Variants in CACHD1 observed in about 807,000 individuals in gnomAD.
CACHD1 encodes the protein cache domain containing 1, also known as VWFA and cache domain-containing protein 1.
CACHD1 carries 71 observed loss-of-function variants against 138.7 expected under a neutral mutation model. The observed-to-expected ratio is 0.51, with a 90% CI of 0.42 to 0.62. The LOEUF is 0.62. Among genes scored for constraint, CACHD1 ranks in the 20% least tolerant of loss-of-function variants. The probability of loss-of-function intolerance (pLI) is 0.00; values close to 1 mark genes in which losing one functional copy is unlikely to be tolerated. For synonymous variants in CACHD1, 578 were observed against 591.5 expected (o/e 0.98, Z 0.33); for missense variants, 1,389 against 1,625.3 (o/e 0.85, Z 2.50).
intron 3 of CACHD1, among the ~76,000 whole-genome samples, chr1:64,583,637 A>G (rs920478681): frequency 2.0e-5 from 3 of 152,228 alleles, no homozygotes; most frequent in African/African-American, 7.2e-5. Context: ...ACCACTAATA[A>G]AGACATACTT....
At chr1:64,654,064 G>A (rs1421327787) in intron 11 of CACHD1, among the ~76,000 whole-genome samples, 183 bp downstream of exon 11, 1 of 152,152 alleles carries the variant, frequency 6.6e-6, no homozygotes, top group African/African-American at 2.4e-5. Context: ...TTGTATCACA[G>A]ATAAGGTGTC....
chr1:64,470,351 G>A lies in CACHD1; in HGVS notation c.-394G>A, dbSNP rs1277090867. 6.6e-6 allele frequency among the ~76,000 whole-genome samples: 1 copy of A among 151,804 alleles called. No homozygotes were observed. Among genetic ancestry groups the A allele is most frequent in the Non-Finnish European group, 1.5e-5 (1 of 67,912 alleles). On this transcript the variant is annotated 5_prime_UTR_variant, in exon 1 of 27. Transcript: ENST00000651257. The surrounding 1 kb of genome is among the most constrained non-coding windows in gnomAD (Gnocchi z 5.2). ...CTGCTCGCTGCGCTGGGACTCGCAG[G>A]AAGCGAGAGCCGCGCGGCTCGGCTC...
chr1:64,515,970 G>A (rs1646456187), intron 1 of CACHD1, among the ~76,000 whole-genome samples: 1 of 151,984 alleles, frequency 6.6e-6, no homozygotes, highest in African/African-American at 2.4e-5. Context: ...TTGGAATTCA[G>A]GGCATGTTTC....
intron 2 of CACHD1, among the ~76,000 whole-genome samples, chr1:64,569,057 G>A (rs932655851): frequency 6.6e-6 from 1 of 152,028 alleles, no homozygotes. Flanking sequence ...GAGTAGCTGG[G>A]ATTACAGGCA....
chr1:64,688,742 A>G (rs1395523208), intron 26 of CACHD1, among the ~76,000 whole-genome samples: 1 of 151,226 alleles, frequency 6.6e-6, no homozygotes, highest in Non-Finnish European at 1.5e-5. Flanking sequence ...GTCTTAGCCT[A>G]TCTGTCCAGT....
intron 1 of CACHD1, among the ~76,000 whole-genome samples, chr1:64,498,546 G>A (rs917758912): frequency 6.6e-6 from 1 of 152,148 alleles, no homozygotes; most frequent in African/African-American, 2.4e-5. Flanking sequence ...GAAATAACTC[G>A]TGATGGGGCC....
intron 26 of CACHD1, among the ~76,000 whole-genome samples, chr1:64,685,864 A>G (rs1030411445): frequency 6.6e-6 from 1 of 151,942 alleles, no homozygotes; most frequent in Non-Finnish European, 1.5e-5. Context: ...AAAAGAAAAA[A>G]AAAATGCTGG....
At chr1:64,686,799 A>G (rs1193524739) in intron 26 of CACHD1, among the ~76,000 whole-genome samples, 1 of 152,240 alleles carries the variant, frequency 6.6e-6, no homozygotes, top group Non-Finnish European at 1.5e-5. Flanking sequence ...AGTTTGTGGC[A>G]AATTCCAAAA....
intron 1 of CACHD1, among the ~76,000 whole-genome samples, chr1:64,486,070 A>G (rs1646239967): frequency 6.6e-6 from 1 of 152,134 alleles, no homozygotes; most frequent in Non-Finnish European, 1.5e-5. Flanking sequence ...AAATGTGTGA[A>G]ATGGTATCTC....
chr1:64,622,191 A>C (rs1471513521), intron 4 of CACHD1, among the ~76,000 whole-genome samples: 1 of 152,228 alleles, frequency 6.6e-6, no homozygotes, highest in Non-Finnish European at 1.5e-5. Context: ...ACTCAAAATA[A>C]TTAAGAGATC....
At chr1:64,673,516 C>T (rs1649887696) in intron 19 of CACHD1, 52 bp downstream of exon 19, 4 of 1,367,282 alleles carry the variant, frequency 2.9e-6, no homozygotes, top group African/African-American at 1.4e-5. Flanking sequence ...CATTATGGAA[C>T]ATGAATTGGA....
chr1:64,632,497 C>A, intron 5 of CACHD1, 102 bp from the exon 6 acceptor site: 1 of 1,234,586 alleles, frequency 8.1e-7, no homozygotes, highest in Non-Finnish European at 1.1e-6. Flanking sequence ...TGGGAGAACA[C>A]AGAGACCAAC....
At chr1:64,478,910 T>A (rs1271548891) in intron 1 of CACHD1, among the ~76,000 whole-genome samples, 2 of 152,012 alleles carry the variant, frequency 1.3e-5, no homozygotes, top group Non-Finnish European at 2.9e-5. Flanking sequence ...CTTTGTTTTT[T>A]ATGAGAAGCT....
At chr1:64,588,844 T>C (rs1647074335) in intron 3 of CACHD1, among the ~76,000 whole-genome samples, 1 of 152,206 alleles carries the variant, frequency 6.6e-6, no homozygotes, top group Non-Finnish European at 1.5e-5. Context: ...GAGGAAATAC[T>C]GGAAAGATGA....
chr1:64,597,093 G>A (rs1321144616), intron 3 of CACHD1, among the ~76,000 whole-genome samples: 2 of 152,112 alleles, frequency 1.3e-5, no homozygotes, highest in Non-Finnish European at 2.9e-5. Flanking sequence ...GTGGGGGGGT[G>A]CTGGAGGGGA....
At chr1:64,669,196 G>A (rs755815615) in intron 16 of CACHD1, among the ~76,000 whole-genome samples, 2 of 152,194 alleles carry the variant, frequency 1.3e-5, no homozygotes, top group Non-Finnish European at 2.9e-5. Flanking sequence ...GACTTCATAT[G>A]TAAAACAGAG....
At chr1:64,544,240 A>C (rs1341987358) in intron 1 of CACHD1, among the ~76,000 whole-genome samples, 1 of 152,192 alleles carries the variant, frequency 6.6e-6, no homozygotes, top group Non-Finnish European at 1.5e-5. Context: ...TTCTTAGCAA[A>C]TATCAGGGAG....
intron 3 of CACHD1, among the ~76,000 whole-genome samples, chr1:64,599,331 A>G (rs1647191839): frequency 6.6e-6 from 1 of 152,242 alleles, no homozygotes; most frequent in African/African-American, 2.4e-5. Context: ...GAAAAATAGG[A>G]AGAAGACATA....
At chr1:64,535,754 G>GC (rs1378578548) in intron 1 of CACHD1, among the ~76,000 whole-genome samples, 1 of 152,050 alleles carries the variant, frequency 6.6e-6, no homozygotes, top group East Asian at 1.9e-4. Flanking sequence ...TGTTTAGTAG[G>GC]CCACCTCCCT....
Sources: gnomAD v4.1 joint callset for allele counts (sites outside exome capture counted in the v4.1 genomes callset) on GRCh38, gnomAD v4.1.1 for gene constraint, Gnocchi (gnomAD v3.1) non-coding constraint, MANE v1.5 for transcripts, NCBI Gene and HGNC (gene_info 2026-07-23, HGNC 2026-07-21) for gene names.